The following SDK1 variants were observed in gnomAD, a reference collection of about 807,000 sequenced individuals.
SDK1 encodes protein sidekick-1.
In SDK1, 157 loss-of-function variants were observed where a neutral mutation model predicts 245.5. That is an observed-to-expected ratio of 0.64 (90% CI 0.56 to 0.73). The LOEUF is 0.73. SDK1 is among the 30% of genes least tolerant of loss of function. The probability of loss-of-function intolerance (pLI) is 0.00; values close to 1 mark genes in which losing one functional copy is unlikely to be tolerated. For missense variants in SDK1, 3,583 were observed against 3,002.3 expected, an observed-to-expected ratio of 1.19 and a Z score of -4.52; for synonymous variants, 1,647 against 1,278.5, an observed-to-expected ratio of 1.29 and a Z score of -6.15.
At chr7:3,722,710 T>C (rs1778852157) in intron 4 of SDK1, among the ~76,000 whole-genome samples, 3 of 152,178 alleles carry the variant, frequency 2.0e-5, no homozygotes, top group African/African-American at 7.2e-5. Flanking sequence ...TGAACTCAAG[T>C]GCCCCACCCC....
Position 3,582,683 on chromosome 7 carries a change from T to TAAAAA in SDK1, c.299-36375_299-36371dup, listed in dbSNP as rs71029682. On this transcript the variant is annotated intron_variant, in intron 1 of 44. Coordinates refer to ENST00000404826, the MANE Select transcript of SDK1 (RefSeq NM_152744.4). The stretch of plus-strand genomic sequence containing the variant: ...ATGTAGCCCTGAACCTAAACTAAAG[T>TAAAAA]AAAAAAAAAAAAAAAAAAAAAAAAA... Among the ~76,000 whole-genome samples, 58 of 69,682 alleles carry TAAAAA rather than the reference T, an allele frequency of 8.3e-4. 2 individuals carry two copies. The highest frequency in any genetic ancestry group is 3.1e-3 in the African/African-American group (55 of 17,700). 45.7% of individuals were successfully genotyped at this position (69,682 alleles called of 152,430 possible).
intron 1 of SDK1, among the ~76,000 whole-genome samples, chr7:3,503,674 T>C (rs1019745252): frequency 7.9e-5 from 12 of 151,346 alleles, no homozygotes; most frequent in African/African-American, 2.9e-4. Flanking sequence ...CAGACCTTCA[T>C]ATCTTAAAAA....
chr7:3,787,101 C>T (rs928784174), intron 4 of SDK1, among the ~76,000 whole-genome samples: 8 of 148,914 alleles, frequency 5.4e-5, no homozygotes, highest in East Asian at 4.0e-4. Flanking sequence ...ACAATATATT[C>T]GTGTCACTAA....
At position 3,738,354 on chromosome 7, in the gene SDK1, C is replaced by T. The variant is rs77869992; in HGVS notation, c.714-83096C>T. Among the ~76,000 whole-genome samples, 579 of 152,270 alleles carry T rather than the reference C, an allele frequency of 3.8e-3. 4 individuals carry two copies. The highest frequency in any genetic ancestry group is 0.012 in the African/African-American group (504 of 41,540). On this transcript the variant is annotated intron_variant, in intron 4 of 44. Transcript: ENST00000404826. ...CACCTTTGTCAAAAATCATTTGGCC[C>T]TATTTGCCAGGGTTTATTTCTGGGC...
intron 1 of SDK1, among the ~76,000 whole-genome samples, chr7:3,557,750 C>G (rs958710066): frequency 6.6e-6 from 1 of 152,052 alleles, no homozygotes; most frequent in Non-Finnish European, 1.5e-5. Flanking sequence ...CTGTTATTAT[C>G]TCAGTTAAAT....
At chr7:3,394,846 G>A (rs963854097) in intron 1 of SDK1, among the ~76,000 whole-genome samples, 9 of 151,834 alleles carry the variant, frequency 5.9e-5, no homozygotes, top group African/African-American at 2.2e-4. Flanking sequence ...TATTGATCTT[G>A]TATTATATCC....
chr7:3,684,545 C>T (rs1272342310), intron 4 of SDK1, among the ~76,000 whole-genome samples: 3 of 152,202 alleles, frequency 2.0e-5, no homozygotes, highest in Non-Finnish European at 2.9e-5. Flanking sequence ...GCATAGGATG[C>T]AAAGGTCTTA....
chr7:3,885,949 A>T (rs1271891630), intron 5 of SDK1, among the ~76,000 whole-genome samples: 1 of 152,162 alleles, frequency 6.6e-6, no homozygotes, highest in Non-Finnish European at 1.5e-5. Flanking sequence ...CTGAGTTTGG[A>T]TGGTCTCAGA....
intron 35 of SDK1, among the ~76,000 whole-genome samples, chr7:4,180,881 C>G (rs1475420235): frequency 6.6e-6 from 1 of 152,208 alleles, no homozygotes; most frequent in African/African-American, 2.4e-5. Flanking sequence ...CCGCCAGGCC[C>G]CACCTGCACG....
intron 13 of SDK1, among the ~76,000 whole-genome samples, chr7:3,981,614 A>C (rs746418345): frequency 6.6e-6 from 1 of 152,232 alleles, no homozygotes; most frequent in Non-Finnish European, 1.5e-5. Flanking sequence ...AAATGATAAG[A>C]AAGTGAAACA....
chr7:3,624,682 A>T (rs1330131937), intron 2 of SDK1, among the ~76,000 whole-genome samples: 12 of 152,182 alleles, frequency 7.9e-5, no homozygotes, highest in Non-Finnish European at 2.9e-5. Context: ...AATAAGTAAC[A>T]TGTTAATAGT....
At chr7:3,580,463 G>T (rs1041675113) in intron 1 of SDK1, among the ~76,000 whole-genome samples, 6 of 152,150 alleles carry the variant, frequency 3.9e-5, no homozygotes, top group Non-Finnish European at 5.9e-5. Context: ...CAATGGAACA[G>T]AATAGAGTAC....
At chr7:3,400,250 G>T (rs1778853239) in intron 1 of SDK1, among the ~76,000 whole-genome samples, 1 of 152,154 alleles carries the variant, frequency 6.6e-6, no homozygotes, top group Non-Finnish European at 1.5e-5. Context: ...AGCCTTTCTA[G>T]CCAAGATTCA....
chr7:3,429,526 T>C (rs1316696171), intron 1 of SDK1, among the ~76,000 whole-genome samples: 1 of 152,150 alleles, frequency 6.6e-6, no homozygotes, highest in African/African-American at 2.4e-5. Flanking sequence ...TTGTGTTGTA[T>C]GGACCTTGGA....
In SDK1 at chr7:3,453,133, C is replaced by T. The variant is rs73294808; in HGVS notation, c.298+151249C>T. ...GTCTAGAACTTTGAGCAGTTTAACC[C>T]CCCCCGGTTTTCCAACTCTTTCCCT... On this transcript the variant is annotated intron_variant, in intron 1 of 44. Coordinates refer to ENST00000404826, the MANE Select transcript of SDK1 (RefSeq NM_152744.4). Among the ~76,000 whole-genome samples the T allele has an allele frequency of 2.4e-3, 367 of 152,068 alleles. 2 individuals are homozygous for T. The highest frequency in any genetic ancestry group is 8.1e-3 in the African/African-American group (334 of 41,464).
intron 1 of SDK1, among the ~76,000 whole-genome samples, chr7:3,585,102 A>C (rs1307065894): frequency 6.6e-6 from 1 of 152,052 alleles, no homozygotes; most frequent in Admixed American, 6.5e-5. Flanking sequence ...CTGCTGCCCT[A>C]GTTTTGTACT....
chr7:3,559,341 C>T (rs1184807738), intron 1 of SDK1, among the ~76,000 whole-genome samples: 1 of 152,086 alleles, frequency 6.6e-6, no homozygotes, highest in Non-Finnish European at 1.5e-5. Flanking sequence ...GAAGTATTGT[C>T]CGCGGTTATG....
chr7:3,486,226 T>C (rs1238668473), intron 1 of SDK1, among the ~76,000 whole-genome samples: 1 of 152,028 alleles, frequency 6.6e-6, no homozygotes, highest in African/African-American at 2.4e-5. Flanking sequence ...ATTAAAATTA[T>C]ATGGAGTTAA....
At position 3,334,202 on chromosome 7, in the gene SDK1, C is replaced by G. The variant is rs4268018; in HGVS notation, c.298+32318C>G. Among the ~76,000 whole-genome samples, 915 of 152,288 alleles carry G rather than the reference C, an allele frequency of 6.0e-3. 9 individuals carry two copies. The highest frequency in any genetic ancestry group is 0.02 in the African/African-American group (847 of 41,558). ...TGGGAGTAGATTGAAGTGAGTCAAT[C>G]TGCAGTATTTTCCACATTTATGGTT... is the stretch of plus-strand genomic sequence containing the variant. On this transcript the variant is annotated intron_variant, in intron 1 of 44. Transcript: ENST00000404826.
Sources: gnomAD v4.1 joint callset for allele counts (sites outside exome capture counted in the v4.1 genomes callset) on GRCh38, gnomAD v4.1.1 for gene constraint, MANE v1.5 for transcripts, NCBI Gene and HGNC (gene_info 2026-07-23, HGNC 2026-07-21) for gene names.